Variants in CDH18 observed in about 807,000 individuals in gnomAD.
CDH18 encodes cadherin-18.
CDH18 carries 31 observed loss-of-function variants against 67.9 expected under a neutral mutation model. The observed-to-expected ratio is 0.46, with a 90% CI of 0.34 to 0.62. CDH18 has a LOEUF of 0.62. Ranked by LOEUF, CDH18 falls within the 20% of genes least tolerant of loss-of-function variation. The pLI is 0.01. For synonymous variants in CDH18, 362 were observed against 347.2 expected (o/e 1.04, Z -0.48); for missense variants, 890 against 975.5 (o/e 0.91, Z 1.17).
chr5:20,211,850 T>C (rs1740378733), intron 2 of CDH18, among the ~76,000 whole-genome samples: 1 of 138,336 alleles, frequency 7.2e-6, no homozygotes, highest in South Asian at 2.4e-4. Context: ...AAGCTGAAAA[T>C]TCTAAAAATC....
intron 1 of CDH18, among the ~76,000 whole-genome samples, chr5:20,258,182 CA>C (rs1175949235): frequency 1.3e-5 from 2 of 151,890 alleles, no homozygotes; most frequent in African/African-American, 4.8e-5. Context: ...TTTCTAATTG[CA>C]TTTTTATAGA....
intron 2 of CDH18, among the ~76,000 whole-genome samples, chr5:20,127,843 G>A (rs1294615832): frequency 1.3e-5 from 2 of 152,056 alleles, no homozygotes; most frequent in African/African-American, 4.8e-5. Context: ...CATGTCATGT[G>A]TTTATTTTTA....
intron 1 of CDH18, among the ~76,000 whole-genome samples, chr5:20,346,116 T>G (rs1408563433): frequency 2.0e-5 from 3 of 152,172 alleles, no homozygotes; most frequent in Admixed American, 6.5e-5. Flanking sequence ...TTAGAATGGC[T>G]GTTTGGTACA....
At chr5:20,469,837 C>T (rs995355600) in intron 1 of CDH18, among the ~76,000 whole-genome samples, 1 of 152,132 alleles carries the variant, frequency 6.6e-6, no homozygotes, top group Non-Finnish European at 1.5e-5. Flanking sequence ...TTTTTAGCTC[C>T]TGCCTCACTA....
At chr5:20,571,515 T>C (rs563370787) in intron 1 of CDH18, among the ~76,000 whole-genome samples, 4 of 152,270 alleles carry the variant, frequency 2.6e-5, no homozygotes, top group African/African-American at 9.6e-5. Context: ...TTATATTATA[T>C]ACCAGTAGAT....
At chr5:19,727,505 G>C (rs1267888410) in intron 4 of CDH18, among the ~76,000 whole-genome samples, 1 of 152,288 alleles carries the variant, frequency 6.6e-6, no homozygotes, top group East Asian at 1.9e-4. Flanking sequence ...TCTGTTCAGA[G>C]AGAACAAACT....
chr5:19,803,267 T>C (rs1186793087), intron 3 of CDH18, among the ~76,000 whole-genome samples: 1 of 152,240 alleles, frequency 6.6e-6, no homozygotes. Context: ...AGATTCATAA[T>C]GTCTCACACG....
intron 5 of CDH18, among the ~76,000 whole-genome samples, chr5:19,639,226 T>A (rs978005680): frequency 6.6e-6 from 1 of 151,946 alleles, no homozygotes; most frequent in African/African-American, 2.4e-5. Flanking sequence ...ATGGTCTCTA[T>A]CTCCTAATCT....
intron 8 of CDH18, among the ~76,000 whole-genome samples, chr5:19,560,284 C>A (rs1480839171): frequency 6.6e-6 from 1 of 151,976 alleles, no homozygotes; most frequent in East Asian, 1.9e-4. Context: ...CCATAGTCAC[C>A]AAAACAGCAT....
intron 6 of CDH18, among the ~76,000 whole-genome samples, chr5:19,608,384 T>C (rs1319503274): frequency 1.3e-5 from 2 of 151,674 alleles, no homozygotes. Flanking sequence ...TTTTGATGGG[T>C]CAAGGGAGAA....
Position 19,838,872 on chromosome 5 carries a change from T to C in CDH18, c.115A>G (p.Lys39Glu). ...SSIKVMRNQT[K>E]HIEGETEVHH... is the part of the protein sequence containing the mutation. ...ACTTCGGTTTCACCTTCAATGTGTT[T>C]GGTTTGGTTTCTCATCACCTTGATG... The change falls in exon 3 of 13, where the codon AAA becomes GAA. Residue 39 changes from lysine to glutamate, a missense_variant. Lys to Glu is a moderately conservative substitution (Grantham distance 56, BLOSUM62 1). Coordinates refer to ENST00000382275, the MANE Select transcript of CDH18 (RefSeq NM_004934.5). 1 of 1,614,124 alleles carries C rather than the reference T, an allele frequency of 6.2e-7. No individual in the cohort carries two copies. The highest frequency in any genetic ancestry group is 1.7e-4 in the Middle Eastern group (1 of 6,060).
At chr5:19,681,551 C>A (rs1184670066) in intron 5 of CDH18, among the ~76,000 whole-genome samples, 24 of 151,934 alleles carry the variant, frequency 1.6e-4, no homozygotes. Context: ...ATTATGACAT[C>A]TTTTACCTTG....
At chr5:20,518,198 G>A (rs140686295) in intron 1 of CDH18, among the ~76,000 whole-genome samples, 1 of 151,918 alleles carries the variant, frequency 6.6e-6, no homozygotes, top group African/African-American at 2.4e-5. Flanking sequence ...CTGTCACAAG[G>A]CCGTAATTAA....
Position 20,418,010 on chromosome 5 carries a change from G to T in CDH18, c.-580+157452C>A, listed in dbSNP as rs1020501961. On this transcript the variant is annotated intron_variant, in intron 1 of 14. Coordinates refer to the CDH18 transcript ENST00000507958. Reference sequence around the variant, plus strand: ...AGTTTTAGATTCACACTACAGAAATGAGGAACGGGGAAGTTGAACATTTTC... The same window carrying T: ...AGTTTTAGATTCACACTACAGAAATTAGGAACGGGGAAGTTGAACATTTTC... Among the ~76,000 whole-genome samples, 3 of 152,112 alleles carry T rather than the reference G, an allele frequency of 2.0e-5. No individual in the cohort carries two copies. In the East Asian group the frequency reaches 5.8e-4, roughly 29 times the overall value.
Position 19,472,372 on chromosome 5 carries a change from A to G in CDH18, c.*854T>C, listed in dbSNP as rs1734827904. On this transcript the variant is annotated 3_prime_UTR_variant, in exon 13 of 13. Coordinates refer to ENST00000382275, the MANE Select transcript of CDH18 (RefSeq NM_004934.5). The stretch of plus-strand genomic sequence containing the variant: ...ATAATAAAACAAGTGGAAAAAAGGA[A>G]AAAAAAAGTTCCCCAACATTTGGTA... 6.6e-6 allele frequency among the ~76,000 whole-genome samples: 1 copy of G among 152,058 alleles called. No homozygotes were observed. The highest frequency in any genetic ancestry group is 1.9e-4 in the East Asian group (1 of 5,198).
chr5:20,031,824 T>C (rs937457473), intron 2 of CDH18, among the ~76,000 whole-genome samples: 1 of 152,020 alleles, frequency 6.6e-6, no homozygotes, highest in Non-Finnish European at 1.5e-5. Context: ...AGATGAGTGG[T>C]GGAAGTATAT....
intron 2 of CDH18, among the ~76,000 whole-genome samples, chr5:20,186,776 C>A (rs1282877203): frequency 6.6e-6 from 1 of 151,860 alleles, no homozygotes; most frequent in Non-Finnish European, 1.5e-5. Flanking sequence ...TATCTATCCT[C>A]CAGAAATTCT....
intron 4 of CDH18, among the ~76,000 whole-genome samples, chr5:19,731,199 C>T (rs757737585): frequency 5.3e-5 from 8 of 152,116 alleles, no homozygotes; most frequent in Non-Finnish European, 1.0e-4. Context: ...CCTGTAATCC[C>T]AGCACTTTGG....
intron 2 of CDH18, among the ~76,000 whole-genome samples, chr5:20,238,292 A>C (rs112678712): frequency 0.024 from 3,583 of 152,218 alleles, 133 homozygotes; most frequent in African/African-American, 0.082. Context: ...GAAATCAAAC[A>C]GCACGTGATA....
Sources: gnomAD v4.1 joint callset for allele counts (sites outside exome capture counted in the v4.1 genomes callset) on GRCh38, gnomAD v4.1.1 for gene constraint, MANE v1.5 for transcripts, NCBI Gene and HGNC (gene_info 2026-07-23, HGNC 2026-07-21) for gene names.